DSCAM: variants seen among roughly 807,000 people sequenced by gnomAD.
DSCAM encodes cell adhesion molecule DSCAM.
A neutral mutation model predicts 217.7 loss-of-function variants in DSCAM; 47 were observed. That is an observed-to-expected ratio of 0.22 (90% CI 0.17 to 0.28). The LOEUF (loss-of-function observed/expected upper bound fraction) is 0.28, where lower values mean the gene tolerates loss of function less well. DSCAM is among the 10% of genes least tolerant of loss of function. The pLI is 1.00. For missense variants in DSCAM, 2,080 were observed against 2,618.3 expected (o/e 0.79, Z 4.49); for synonymous variants, 1,056 against 1,015.3 (o/e 1.04, Z -0.76).
At chr21:40,439,647 A>G (rs1005315808) in intron 3 of DSCAM, among the ~76,000 whole-genome samples, 1 of 151,372 alleles carries the variant, frequency 6.6e-6, no homozygotes, top group Non-Finnish European at 1.5e-5. Flanking sequence ...GACATACTCA[A>G]GACTGGGAAG....
At position 40,012,644 on chromosome 21, in the gene DSCAM, T is replaced by A. The variant is rs1398600787; in HGVS notation, c.*390A>T. 1 of 154,320 alleles carries A rather than the reference T, an allele frequency of 6.5e-6. No homozygotes were observed. Among genetic ancestry groups the A allele is most frequent in the Non-Finnish European group, 1.4e-5 (1 of 69,572 alleles). 9.6% of individuals were successfully genotyped at this position (154,320 alleles called of 1,614,324 possible). On this transcript the variant is annotated 3_prime_UTR_variant, in exon 33 of 33. Coordinates refer to ENST00000400454, the MANE Select transcript of DSCAM (RefSeq NM_001389.5). ...TTTTCCCCTGCCCGCAAATCGGTGT[T>A]CCTTTTAAATTCACAAATAGGCTGA...
intron 10 of DSCAM, among the ~76,000 whole-genome samples, chr21:40,278,410 C>T (rs2123389086): frequency 6.6e-6 from 1 of 152,230 alleles, no homozygotes; most frequent in African/African-American, 2.4e-5. Flanking sequence ...ATAGAAAATA[C>T]AGAAACAAAA....
intron 16 of DSCAM, among the ~76,000 whole-genome samples, chr21:40,152,828 G>T (rs1023159190): frequency 6.6e-6 from 1 of 152,082 alleles, no homozygotes; most frequent in Non-Finnish European, 1.5e-5. Flanking sequence ...GGCATCTCTT[G>T]TGCTGAAGAC....
At chr21:40,049,177 C>T (rs1022741347) in intron 30 of DSCAM, among the ~76,000 whole-genome samples, 2 of 152,142 alleles carry the variant, frequency 1.3e-5, no homozygotes, top group African/African-American at 4.8e-5. Flanking sequence ...TCCCTGTGAT[C>T]ATCAGGCTAA....
At chr21:40,453,645 G>A (rs1333737334) in intron 3 of DSCAM, among the ~76,000 whole-genome samples, 1 of 152,174 alleles carries the variant, frequency 6.6e-6, no homozygotes, top group Non-Finnish European at 1.5e-5. Flanking sequence ...ATTTGCTGCT[G>A]TTGACAAGAG....
At chr21:40,335,833 T>C (rs561881172) in intron 8 of DSCAM, among the ~76,000 whole-genome samples, 58 of 152,316 alleles carry the variant, frequency 3.8e-4, no homozygotes, top group African/African-American at 1.2e-3. Context: ...GAGGTGCTGT[T>C]TGCCTTTCTC....
intron 3 of DSCAM, among the ~76,000 whole-genome samples, chr21:40,547,950 C>A (rs2076596906): frequency 6.6e-6 from 1 of 152,182 alleles, no homozygotes; most frequent in Non-Finnish European, 1.5e-5. Flanking sequence ...GGGAGGGATT[C>A]CTCGCGTGGC....
At chr21:40,598,795 G>A (rs920266556) in intron 3 of DSCAM, among the ~76,000 whole-genome samples, 7 of 152,030 alleles carry the variant, frequency 4.6e-5, no homozygotes, top group South Asian at 2.1e-4. Context: ...GAGCCACCGC[G>A]ACTGGCCCAA....
chr21:40,437,432 T>G (rs1310567746), intron 3 of DSCAM, among the ~76,000 whole-genome samples: 1 of 152,178 alleles, frequency 6.6e-6, no homozygotes, highest in African/African-American at 2.4e-5. Context: ...GTATGAAGAT[T>G]CCCATGAGCA....
rs73217010 is a variant in DSCAM, at chr21:40,428,588, T to G, written c.509-59343A>C. On this transcript the variant is annotated intron_variant, in intron 3 of 32. Transcript: ENST00000400454. ...CACTGCTGCAAATACTATTTTATTA[T>G]CAATTGTTGAACTGCAGTTATGAGT... is the stretch of plus-strand genomic sequence containing the variant. 6.6e-3 allele frequency among the ~76,000 whole-genome samples: 1,000 copies of G among 152,190 alleles called. 7 individuals carry two copies. The highest frequency in any genetic ancestry group is 0.017 in the Middle Eastern group (5 of 294).
chr21:40,242,313 A>C (rs2146944315), intron 11 of DSCAM, among the ~76,000 whole-genome samples: 1 of 152,300 alleles, frequency 6.6e-6, no homozygotes, highest in African/African-American at 2.4e-5. Flanking sequence ...CCGCTCATCT[A>C]CCTTCTGAGC....
At chr21:40,842,858 G>A (rs1467634990) in intron 1 of DSCAM, among the ~76,000 whole-genome samples, 1 of 152,140 alleles carries the variant, frequency 6.6e-6, no homozygotes, top group Non-Finnish European at 1.5e-5. Context: ...GTCAAAAAGT[G>A]GAGAACGATC....
intron 3 of DSCAM, among the ~76,000 whole-genome samples, chr21:40,642,042 CAA>C (rs67361149): frequency 7.8e-5 from 7 of 89,210 alleles, no homozygotes; most frequent in African/African-American, 5.0e-5. Flanking sequence ...GACTCTGTCT[CAA>C]AAAAAAAAAA....
At chr21:40,550,845 A>G (rs775558343) in intron 3 of DSCAM, among the ~76,000 whole-genome samples, 43 of 152,322 alleles carry the variant, frequency 2.8e-4, no homozygotes, top group Middle Eastern at 3.4e-3. Flanking sequence ...AAAAGGGACG[A>G]GAGGCACAGA....
At chr21:40,487,506 T>G (rs1440608653) in intron 3 of DSCAM, among the ~76,000 whole-genome samples, 1 of 151,822 alleles carries the variant, frequency 6.6e-6, no homozygotes, top group African/African-American at 2.4e-5. Context: ...CTTAGAGAGG[T>G]AGAAGTCACA....
intron 3 of DSCAM, among the ~76,000 whole-genome samples, chr21:40,516,142 C>T (rs2076297652): frequency 6.6e-6 from 1 of 151,762 alleles, no homozygotes; most frequent in Admixed American, 6.6e-5. Flanking sequence ...ACACACAAAT[C>T]TTTCAAAAGA....
At chr21:40,618,140 T>C (rs1264775631) in intron 3 of DSCAM, among the ~76,000 whole-genome samples, 2 of 150,866 alleles carry the variant, frequency 1.3e-5, no homozygotes, top group African/African-American at 5.0e-5. Flanking sequence ...GCCTCGTGTT[T>C]CAATAAGCAT....
At chr21:40,175,959 T>C (rs930969076) in intron 15 of DSCAM, among the ~76,000 whole-genome samples, 1 of 151,666 alleles carries the variant, frequency 6.6e-6, no homozygotes, top group African/African-American at 2.4e-5. Flanking sequence ...TAAGCACATA[T>C]GCCCCCTGAT....
At chr21:40,354,392 G>C (rs1166161989) in intron 4 of DSCAM, among the ~76,000 whole-genome samples, 2 of 151,960 alleles carry the variant, frequency 1.3e-5, no homozygotes, top group African/African-American at 4.8e-5. Context: ...TTTTAAGTTA[G>C]TGGCTCACTC....
Sources: allele counts gnomAD v4.1 joint callset (sites outside exome capture counted in the v4.1 genomes callset), GRCh38; gene constraint gnomAD v4.1.1; transcripts MANE v1.5; gene names NCBI Gene and HGNC (gene_info 2026-07-23, HGNC 2026-07-21).